CPNE4: variants seen among roughly 807,000 people sequenced by gnomAD.
The protein encoded by CPNE4 is copine 4.
Under a neutral mutation model 67.9 loss-of-function variants are expected in CPNE4, and 25 were observed. The observed-to-expected ratio is 0.37, with a 90% CI of 0.27 to 0.51. CPNE4 has a LOEUF of 0.51. Ranked by LOEUF, CPNE4 falls within the 20% of genes least tolerant of loss-of-function variation. The pLI is 0.93. For missense variants in CPNE4, 464 were observed against 690.8 expected (o/e 0.67, Z 3.68); for synonymous variants, 242 against 244.9 (o/e 0.99, Z 0.11).
chr3:131,975,866 A>G (rs547098034), intron 1 of CPNE4, among the ~76,000 whole-genome samples: 1 of 152,280 alleles, frequency 6.6e-6, no homozygotes, highest in African/African-American at 2.4e-5. Flanking sequence ...GCAAATAAGG[A>G]TGACCATCAC....
At chr3:131,561,356 T>TGTGC (rs1553726936) in intron 11 of CPNE4, among the ~76,000 whole-genome samples, 2 of 151,616 alleles carry the variant, frequency 1.3e-5, no homozygotes, top group African/African-American at 2.4e-5. Flanking sequence ...TGTGTGTGTG[T>TGTGC]GCGCACATAC....
At chr3:131,552,396 A>C (rs1461799005) in intron 13 of CPNE4, 44 bp downstream of exon 13, 1 of 1,542,022 alleles carries the variant, frequency 6.5e-7, no homozygotes, top group African/African-American at 1.4e-5. Context: ...AAAGCTGCAA[A>C]GGGAAGGACT....
chr3:131,674,703 CT>C (rs2080515493), intron 6 of CPNE4, among the ~76,000 whole-genome samples: 1 of 151,638 alleles, frequency 6.6e-6, no homozygotes, highest in Non-Finnish European at 1.5e-5. Flanking sequence ...GGTATTCTGT[CT>C]TTTTTTCTTA....
At chr3:131,737,424 A>G (rs528233244) in intron 2 of CPNE4, among the ~76,000 whole-genome samples, 128 of 152,228 alleles carry the variant, frequency 8.4e-4, no homozygotes, top group African/African-American at 3.0e-3. Flanking sequence ...TTATGTTGAT[A>G]CAATGAAGGG....
intron 3 of CPNE4, among the ~76,000 whole-genome samples, chr3:131,713,119 C>G (rs907128697): frequency 7.0e-6 from 1 of 142,770 alleles, no homozygotes; most frequent in Non-Finnish European, 1.6e-5. Context: ...GGACAGGCTC[C>G]TGTAGCTGTT....
chr3:132,030,911 C>T (rs1338519606), intron 1 of CPNE4, among the ~76,000 whole-genome samples: 2 of 152,170 alleles, frequency 1.3e-5, no homozygotes, highest in Non-Finnish European at 2.9e-5. Flanking sequence ...TTTCAAATAA[C>T]ATAGAAAAGA....
At chr3:132,011,750 A>G (rs1375085559) in intron 1 of CPNE4, among the ~76,000 whole-genome samples, 2 of 152,248 alleles carry the variant, frequency 1.3e-5, no homozygotes, top group African/African-American at 4.8e-5. Context: ...ATTATGAAGG[A>G]CAATTTCAAT....
intron 2 of CPNE4, among the ~76,000 whole-genome samples, chr3:131,730,272 TTC>T (rs770563978): frequency 3.3e-5 from 5 of 152,226 alleles, no homozygotes; most frequent in Non-Finnish European, 7.3e-5. Flanking sequence ...AACAATTTTT[TTC>T]TTTCCTAGGG....
At chr3:131,688,898 C>A in intron 5 of CPNE4, among the ~76,000 whole-genome samples, 1 of 152,212 alleles carries the variant, frequency 6.6e-6, no homozygotes, top group Non-Finnish European at 1.5e-5. Context: ...GATCTATGTA[C>A]AATTTAGTAC....
intron 7 of CPNE4, among the ~76,000 whole-genome samples, chr3:131,661,829 C>A (rs2080135108): frequency 6.6e-6 from 1 of 152,010 alleles, no homozygotes; most frequent in Non-Finnish European, 1.5e-5. Context: ...CCTAGAAATG[C>A]CAGGTTCTTT....
chr3:131,712,517 C>A (rs1040238732), intron 3 of CPNE4, among the ~76,000 whole-genome samples: 8 of 152,160 alleles, frequency 5.3e-5, no homozygotes, highest in Admixed American at 3.9e-4. Flanking sequence ...CAAATATTCC[C>A]GAAATCTTCA....
At chr3:131,921,601 G>T (rs958600187) in intron 1 of CPNE4, among the ~76,000 whole-genome samples, 6 of 152,056 alleles carry the variant, frequency 3.9e-5, no homozygotes, top group Non-Finnish European at 8.8e-5. Context: ...TACCTCCATG[G>T]TTTACTAACC....
chr3:131,595,502 T>C (rs1290339306), intron 7 of CPNE4, among the ~76,000 whole-genome samples: 1 of 152,196 alleles, frequency 6.6e-6, no homozygotes, highest in Non-Finnish European at 1.5e-5. Flanking sequence ...GGTTGTCTCA[T>C]GGTTCTGCAA....
intron 1 of CPNE4, among the ~76,000 whole-genome samples, chr3:131,939,886 C>A (rs560558966): frequency 9.2e-5 from 14 of 152,232 alleles, no homozygotes; most frequent in African/African-American, 3.4e-4. Context: ...ATCCTAAGCA[C>A]GTTCAGGTAG....
At chr3:131,833,325 G>T (rs1392884083) in intron 2 of CPNE4, among the ~76,000 whole-genome samples, 1 of 152,164 alleles carries the variant, frequency 6.6e-6, no homozygotes, top group African/African-American at 2.4e-5. Context: ...TTTGGAAACA[G>T]GATAATCTCT....
In CPNE4 at chr3:131,713,672, C is replaced by T. The variant is rs1414126446; in HGVS notation, c.360+9774G>A. 1.6e-4 allele frequency among the ~76,000 whole-genome samples: 25 copies of T among 152,116 alleles called. 1 individual carries two copies. The highest frequency in any genetic ancestry group is 1.6e-3 in the Admixed American group (25 of 15,284). On this transcript the variant is annotated intron_variant, in intron 3 of 15. Coordinates refer to ENST00000429747, the MANE Select transcript of CPNE4 (RefSeq NM_130808.3). ...TGATGGCAGATCAAGACATAGGACTCATGACTCCAATCCAGGACACTAAAG... is the reference window on the plus strand; with the variant it reads ...TGATGGCAGATCAAGACATAGGACTTATGACTCCAATCCAGGACACTAAAG...
intron 8 of CPNE4, among the ~76,000 whole-genome samples, chr3:131,586,406 G>C (rs1186708875): frequency 6.6e-6 from 1 of 152,188 alleles, no homozygotes. Flanking sequence ...TATCAAGTCA[G>C]TTACCACTGT....
At chr3:131,731,620 C>T (rs1480191088) in intron 2 of CPNE4, among the ~76,000 whole-genome samples, 3 of 152,114 alleles carry the variant, frequency 2.0e-5, no homozygotes. Context: ...TTGCCCCAGT[C>T]CACTCAGCTT....
intron 7 of CPNE4, among the ~76,000 whole-genome samples, chr3:131,623,048 G>A (rs1023187358): frequency 2.6e-5 from 4 of 152,122 alleles, no homozygotes; most frequent in Non-Finnish European, 5.9e-5. Context: ...CATAGAGGAC[G>A]GTAAGTACAA....
Sources: allele counts gnomAD v4.1 joint callset (sites outside exome capture counted in the v4.1 genomes callset), GRCh38; gene constraint gnomAD v4.1.1; transcripts MANE v1.5; gene names NCBI Gene and HGNC (gene_info 2026-07-23, HGNC 2026-07-21).